Variants in DENND2B observed in about 807,000 individuals in gnomAD.
DENND2B encodes DENN domain-containing protein 2B.
A neutral mutation model predicts 116.0 loss-of-function variants in DENND2B; 32 were observed. That is an observed-to-expected ratio of 0.28 (90% CI 0.21 to 0.37). DENND2B has a LOEUF of 0.37. Ranked by LOEUF, DENND2B falls within the 10% of genes least tolerant of loss-of-function variation. The pLI is 1.00. For synonymous variants in DENND2B, 588 were observed against 583.9 expected (o/e 1.01, Z -0.10); for missense variants, 1,276 against 1,477.7 (o/e 0.86, Z 2.24).
At chr11:8,882,285 T>A (rs776181114) in intron 1 of DENND2B, among the ~76,000 whole-genome samples, 3 of 152,232 alleles carry the variant, frequency 2.0e-5, no homozygotes, top group Non-Finnish European at 4.4e-5. Context: ...ACATCTCTGA[T>A]AGGCCCAACT....
Position 8,867,573 on chromosome 11 carries a change from C to CG in DENND2B, c.-250+3380_-250+3381insC, listed in dbSNP as rs533466884. On this transcript the variant is annotated intron_variant, in intron 2 of 6. Transcript: ENST00000524757. ...ACTAGTACCAAGTTTTAAAATTCAG[C>CG]TTTTTTTTTTTTTTTTTTTTTTTGA... is the stretch of plus-strand genomic sequence containing the variant. Among the ~76,000 whole-genome samples, 497 of 89,260 alleles carry CG rather than the reference C, an allele frequency of 5.6e-3. 1 individual carries two copies. The highest frequency in any genetic ancestry group is 0.01 in the Middle Eastern group (1 of 96). The allele number at this position is 89,260 out of a possible 152,430, so 58.6% of individuals were successfully genotyped here.
At position 8,717,885 on chromosome 11, in the gene DENND2B, C is replaced by G; in HGVS notation, c.1485G>C (p.Leu495=). ...CATCCTCATATGGATTCTCCTTGGG[C>G]AGATCTCCTGCAGAGGAGGAAGAGT... ...ENAYEDIVGD[L]PKENPYEDVD... Residue 495 remains leucine, a synonymous_variant, in exon 5 of 20, where the codon CTG becomes CTC. Coordinates refer to ENST00000313726, the MANE Select transcript of DENND2B (RefSeq NM_213618.2). The G allele has an allele frequency of 6.2e-7, 1 of 1,610,052 alleles. No homozygotes were observed. The highest frequency in any genetic ancestry group is 8.5e-7 in the Non-Finnish European group (1 of 1,177,880).
chr11:8,817,905 G>C (rs1046178122), intron 4 of DENND2B, among the ~76,000 whole-genome samples: 2 of 151,854 alleles, frequency 1.3e-5, no homozygotes, highest in African/African-American at 4.8e-5. Flanking sequence ...TTCCAGCCAG[G>C]AAAGACTGGA....
chr11:8,774,875 TAA>T (rs553483547), intron 1 of DENND2B, among the ~76,000 whole-genome samples: 4,832 of 150,634 alleles, frequency 0.032, 138 homozygotes, highest in Middle Eastern at 0.072. Flanking sequence ...TTTTTTTTTT[TAA>T]TTATTATTTT....
rs2063534813 is a variant in DENND2B, at chr11:8,865,271, T to A, written c.-250+5683A>T. Reference sequence around the variant, plus strand: ...CTTAAAGGACTTGAGTAAAATTCTTTTGATGGTAATTTTTTTAAAAGATCA... The same window carrying A: ...CTTAAAGGACTTGAGTAAAATTCTTATGATGGTAATTTTTTTAAAAGATCA... On this transcript the variant is annotated intron_variant, in intron 2 of 6. Transcript: ENST00000524757. 3.3e-5 allele frequency among the ~76,000 whole-genome samples: 5 copies of A among 152,310 alleles called. No homozygotes were observed. In the South Asian group the frequency reaches 1.0e-3, roughly 32 times the overall value.
At chr11:8,799,706 G>C (rs2060151782) in intron 1 of DENND2B, among the ~76,000 whole-genome samples, 1 of 151,312 alleles carries the variant, frequency 6.6e-6, no homozygotes, top group Admixed American at 6.6e-5. Flanking sequence ...AGCTTCCTAA[G>C]CAGATGGGAC....
chr11:8,875,031 TAAG>T (rs1308075971), upstream of DENND2B, among the ~76,000 whole-genome samples: 1 of 152,090 alleles, frequency 6.6e-6, no homozygotes, highest in African/African-American at 2.4e-5. Context: ...TAGATGACTT[TAAG>T]TGTTCTAGGC....
At chr11:8,798,809 AAAC>A (rs1453650351) in intron 1 of DENND2B, among the ~76,000 whole-genome samples, 1 of 150,534 alleles carries the variant, frequency 6.6e-6, no homozygotes, top group African/African-American at 2.5e-5. Context: ...GATTTAAATA[AAAC>A]AACAATTTCC....
At chr11:8,743,594 T>G (rs1340706038) in intron 2 of DENND2B, among the ~76,000 whole-genome samples, 1 of 151,982 alleles carries the variant, frequency 6.6e-6, no homozygotes, top group African/African-American at 2.4e-5. Context: ...TGTTGCCTCA[T>G]AGAACAGACA....
intron 2 of DENND2B, among the ~76,000 whole-genome samples, chr11:8,736,610 C>T (rs2049093572): frequency 6.6e-6 from 1 of 152,116 alleles, no homozygotes; most frequent in Admixed American, 6.6e-5. Flanking sequence ...TGCCAGGGGA[C>T]ACATGAACAC....
upstream of DENND2B, chr11:8,811,195 C>T (rs894718442): frequency 3.5e-5 from 14 of 398,054 alleles, no homozygotes; most frequent in East Asian, 1.4e-4. Flanking sequence ...GCAGTTGGGG[C>T]GGAAATGCAC....
intron 17 of DENND2B, 75 bp from the exon 18 acceptor site, chr11:8,696,741 C>A: frequency 6.4e-7 from 1 of 1,568,526 alleles, no homozygotes; most frequent in South Asian, 1.2e-5. Flanking sequence ...CTGGTGTAGT[C>A]TTCCTCTCCC....
chr11:8,821,287 A>G (rs2061753357), intron 4 of DENND2B, among the ~76,000 whole-genome samples: 1 of 151,888 alleles, frequency 6.6e-6, no homozygotes, highest in Non-Finnish European at 1.5e-5. Flanking sequence ...TTTTGAATTT[A>G]TAACACGTTT....
chr11:8,871,897 C>T (rs2063787389), upstream of DENND2B, among the ~76,000 whole-genome samples: 1 of 152,200 alleles, frequency 6.6e-6, no homozygotes, highest in Non-Finnish European at 1.5e-5. Flanking sequence ...TACTTAAGAT[C>T]CAAACCCATA....
intron 13 of DENND2B, among the ~76,000 whole-genome samples, chr11:8,704,444 A>G (rs1275205944): frequency 1.3e-5 from 2 of 152,248 alleles, no homozygotes; most frequent in Admixed American, 6.5e-5. Flanking sequence ...GCTCCCAGGC[A>G]TGATGCTGCG....
In DENND2B at chr11:8,694,092, A is replaced by C. The variant is rs746928533; in HGVS notation, c.*4T>G. The C allele has an allele frequency of 4.3e-6, 7 of 1,614,118 alleles. No homozygotes were observed. Among genetic ancestry groups the C allele is most frequent in the South Asian group, 3.3e-5 (3 of 91,080 alleles). On this transcript the variant is annotated 3_prime_UTR_variant, in exon 20 of 20. Transcript: ENST00000313726. ...GCACTGGACTCTGCTACTGAGAAGG[A>C]GGCTTAATTCTTCTTGTGGAGAAAC...
At chr11:8,831,235 T>C (rs1021828328) in intron 4 of DENND2B, among the ~76,000 whole-genome samples, 2 of 152,168 alleles carry the variant, frequency 1.3e-5, no homozygotes, top group Non-Finnish European at 2.9e-5. Flanking sequence ...CACATAAGTA[T>C]GTAATGGGTG....
intron 1 of DENND2B, among the ~76,000 whole-genome samples, chr11:8,764,450 A>G (rs909476135): frequency 6.6e-6 from 1 of 152,230 alleles, no homozygotes; most frequent in Non-Finnish European, 1.5e-5. Context: ...TATGTGAAAT[A>G]GATGCCATTA....
intron 1 of DENND2B, among the ~76,000 whole-genome samples, chr11:8,798,564 A>C (rs1287568237): frequency 2.0e-5 from 3 of 152,148 alleles, no homozygotes; most frequent in Non-Finnish European, 4.4e-5. Flanking sequence ...TTTCCAGAAG[A>C]AGCTCAGCTT....
Sources: allele counts gnomAD v4.1 joint callset (sites outside exome capture counted in the v4.1 genomes callset), GRCh38; gene constraint gnomAD v4.1.1; transcripts MANE v1.5; gene names NCBI Gene and HGNC (gene_info 2026-07-23, HGNC 2026-07-21).